The following NTF3 variants were observed in gnomAD, a reference collection of about 807,000 sequenced individuals.
The protein encoded by NTF3 is neurotrophin 3.
NTF3 carries 8 observed loss-of-function variants against 26.3 expected under a neutral mutation model. The ratio of observed to expected loss-of-function variants is 0.30; its 90% CI spans 0.18 to 0.55. The LOEUF (loss-of-function observed/expected upper bound fraction) is 0.55. Ranked by LOEUF, NTF3 falls within the 20% of genes least tolerant of loss-of-function variation. The probability of loss-of-function intolerance (pLI) is 0.93; values close to 1 mark genes in which losing one functional copy is unlikely to be tolerated. For missense variants in NTF3, 276 were observed against 352.9 expected, an observed-to-expected ratio of 0.78 and a Z score of 1.75; for synonymous variants, 154 against 145.5, an observed-to-expected ratio of 1.06 and a Z score of -0.42.
rs1485045071 is a variant in NTF3 at position 5,433,725 on chromosome 12, G to C, written c.18+1383G>C. 1.3e-5 allele frequency among the ~76,000 whole-genome samples: 2 copies of C among 152,080 alleles called. No homozygotes were observed. The highest frequency in any genetic ancestry group is 2.1e-4 in the South Asian group (1 of 4,822). On this transcript the variant is annotated intron_variant, in intron 1 of 1. Coordinates refer to ENST00000423158, the MANE Select transcript of NTF3 (RefSeq NM_001102654.2). This position sits in a 1 kb window ranked among gnomAD's most constrained non-coding sequence, Gnocchi z 4.6. Reference sequence around the variant, plus strand: ...AGATCGTCTGGCCTCGGCCTCTGGCGGCGGGCGGCAGGTTCTGAGTCCGAA... The same window carrying C: ...AGATCGTCTGGCCTCGGCCTCTGGCCGCGGGCGGCAGGTTCTGAGTCCGAA...
intron 1 of NTF3, among the ~76,000 whole-genome samples, chr12:5,470,702 T>C (rs1432170529): frequency 6.6e-6 from 1 of 152,202 alleles, no homozygotes; most frequent in African/African-American, 2.4e-5. Flanking sequence ...GATTCAGCAC[T>C]GTGTCTCCTT....
chr12:5,438,998 G>A (rs77619477), intron 1 of NTF3, among the ~76,000 whole-genome samples: 180 of 152,264 alleles, frequency 1.2e-3, no homozygotes, highest in African/African-American at 4.2e-3. Flanking sequence ...GCAGAAAAGC[G>A]TGCAAAAAAT....
At chr12:5,455,606 C>T (rs567686304) in intron 1 of NTF3, among the ~76,000 whole-genome samples, 1 of 149,884 alleles carries the variant, frequency 6.7e-6, no homozygotes, top group African/African-American at 2.5e-5. Flanking sequence ...ATTGAGGGGG[C>T]CCCAATTCCT....
At chr12:5,465,230 T>C (rs577119537) in intron 1 of NTF3, among the ~76,000 whole-genome samples, 3 of 152,292 alleles carry the variant, frequency 2.0e-5, no homozygotes, top group South Asian at 4.1e-4. Context: ...GGCTGGATTG[T>C]TGGGGACAGC....
At chr12:5,487,063 A>T (rs1004200495) in intron 1 of NTF3, among the ~76,000 whole-genome samples, 1 of 152,198 alleles carries the variant, frequency 6.6e-6, no homozygotes, top group South Asian at 2.1e-4. Context: ...GATCCTTCCT[A>T]GTCCACCCTC....
At chr12:5,485,559 C>T (rs1313281729) in intron 1 of NTF3, among the ~76,000 whole-genome samples, 1 of 152,202 alleles carries the variant, frequency 6.6e-6, no homozygotes, top group Non-Finnish European at 1.5e-5. Flanking sequence ...GTGTTCCGCA[C>T]AGTCTAGCAT....
chr12:5,443,426 G>C (rs913337688), intron 1 of NTF3, among the ~76,000 whole-genome samples: 2 of 152,186 alleles, frequency 1.3e-5, no homozygotes, highest in Non-Finnish European at 2.9e-5. Context: ...CAGCAGGAGA[G>C]AGAGAATTTC....
chr12:5,485,933 G>A (rs1421760037), intron 1 of NTF3, among the ~76,000 whole-genome samples: 1 of 152,176 alleles, frequency 6.6e-6, no homozygotes, highest in African/African-American at 2.4e-5. Flanking sequence ...CATGATGGCG[G>A]CCACAGGGAA....
intron 1 of NTF3, among the ~76,000 whole-genome samples, chr12:5,463,537 G>C (rs774005872): frequency 6.6e-6 from 1 of 152,156 alleles, no homozygotes; most frequent in Non-Finnish European, 1.5e-5. Context: ...GAGATGGTTG[G>C]GGGTGGGCGG....
chr12:5,481,313 A>G (rs1474954715), intron 1 of NTF3, among the ~76,000 whole-genome samples: 2 of 151,660 alleles, frequency 1.3e-5, no homozygotes. Context: ...GCTTTTTGGC[A>G]TCTCCCCTTC....
chr12:5,482,385 C>G (rs1271064533), intron 1 of NTF3, among the ~76,000 whole-genome samples: 1 of 152,154 alleles, frequency 6.6e-6, no homozygotes, highest in Non-Finnish European at 1.5e-5. Flanking sequence ...CCCGTGCCTT[C>G]GTCTTTCCCA....
chr12:5,487,891 A>G (rs1362518244), intron 1 of NTF3, among the ~76,000 whole-genome samples: 4 of 152,274 alleles, frequency 2.6e-5, no homozygotes, highest in Middle Eastern at 3.4e-3. Flanking sequence ...GACTGCTTCT[A>G]GTTTTCCGTG....
intron 1 of NTF3, among the ~76,000 whole-genome samples, chr12:5,438,412 C>T (rs746970173): frequency 2.0e-5 from 3 of 152,136 alleles, no homozygotes; most frequent in Admixed American, 6.5e-5. Flanking sequence ...GAGAGCTTGC[C>T]GCAGCTTTGG....
intron 1 of NTF3, among the ~76,000 whole-genome samples, chr12:5,448,069 G>A (rs1940327361): frequency 6.6e-6 from 1 of 152,130 alleles, no homozygotes. Flanking sequence ...AGCTGCTCTT[G>A]ATGAACTCTC....
intron 1 of NTF3, among the ~76,000 whole-genome samples, chr12:5,462,284 G>T (rs920540685): frequency 2.0e-5 from 3 of 152,118 alleles, no homozygotes; most frequent in Admixed American, 2.0e-4. Flanking sequence ...TTAGAACTTG[G>T]ATTACCAATT....
chr12:5,473,664 T>C (rs1022428568), intron 1 of NTF3, among the ~76,000 whole-genome samples: 2 of 152,232 alleles, frequency 1.3e-5, no homozygotes, highest in Non-Finnish European at 2.9e-5. Context: ...GAGGGGCTTC[T>C]GAGTTCTGGG....
rs181144665 is a variant in NTF3, at chr12:5,451,458, G to A, written c.18+19116G>A. ...GAAAGATAACAGCTAAGCCTTTGGG[G>A]ATCCTTCCAGAAGTAGTGATGACGT... On this transcript the variant is annotated intron_variant, in intron 1 of 1. Transcript: ENST00000423158. Among the ~76,000 whole-genome samples the A allele has an allele frequency of 1.7e-3, 255 of 152,268 alleles. 1 individual carries two copies. Among genetic ancestry groups the A allele is most frequent in the African/African-American group, 5.7e-3 (236 of 41,554 alleles).
intron 1 of NTF3, among the ~76,000 whole-genome samples, chr12:5,464,386 A>C (rs1940562156): frequency 6.6e-6 from 1 of 152,210 alleles, no homozygotes; most frequent in Non-Finnish European, 1.5e-5. Context: ...TTGGACTTTC[A>C]ATTTTTCACC....
chr12:5,493,350 G>C (rs940055557), intron 1 of NTF3, among the ~76,000 whole-genome samples: 1 of 152,224 alleles, frequency 6.6e-6, no homozygotes, highest in Non-Finnish European at 1.5e-5. Context: ...ACATTTTGTA[G>C]CAGAAATGTT....
Sources: gnomAD v4.1 joint callset for allele counts (sites outside exome capture counted in the v4.1 genomes callset) on GRCh38, gnomAD v4.1.1 for gene constraint, Gnocchi (gnomAD v3.1) non-coding constraint, MANE v1.5 for transcripts, NCBI Gene and HGNC (gene_info 2026-07-23, HGNC 2026-07-21) for gene names.